UNC80: variants seen among roughly 807,000 people sequenced by gnomAD.
UNC80 encodes the protein unc-80 subunit of NALCN channel complex.
Under a neutral mutation model 384.6 loss-of-function variants are expected in UNC80, and 164 were observed. That is an observed-to-expected ratio of 0.43 (90% CI 0.38 to 0.49). UNC80 has a LOEUF of 0.49. Among genes scored for constraint, UNC80 ranks in the 20% least tolerant of loss-of-function variants. The probability of loss-of-function intolerance (pLI) is 0.00; values close to 1 mark genes in which losing one functional copy is unlikely to be tolerated. For synonymous variants in UNC80, 1,486 were observed against 1,527.8 expected, an observed-to-expected ratio of 0.97 and a Z score of 0.64; for missense variants, 3,330 against 4,143.0, an observed-to-expected ratio of 0.80 and a Z score of 5.39.
chr2:209,904,644 C>T lies in UNC80; in HGVS notation c.4582-121C>T, dbSNP rs1000093295. 34 of 834,258 alleles carry T rather than the reference C, an allele frequency of 4.1e-5. No individual in the cohort carries two copies. The East Asian group carries it at 4.3e-4, about 10-fold the overall frequency. The allele number at this position is 834,258 out of a possible 1,614,324, so 51.7% of individuals were successfully genotyped here. On this transcript the variant is annotated intron_variant, in intron 28 of 64. Transcript: ENST00000673920. ...TCCTTTGGGAATTATTGGACCATTG[C>T]GATTTCAAGACACATCCAGGGAAGC...
chr2:209,963,259 C>T (rs988015527), intron 51 of UNC80, among the ~76,000 whole-genome samples: 2 of 152,220 alleles, frequency 1.3e-5, no homozygotes, highest in Non-Finnish European at 2.9e-5. Context: ...CTCTATCTCT[C>T]TCATTCTCTT....
chr2:209,842,330 C>CTTT lies in UNC80; in HGVS notation c.3358-13_3358-11dup. On this transcript the variant is annotated intron_variant, in intron 20 of 64. Transcript: ENST00000673920. ...CTTTGAATCTTATCTCTCTACTTTC[C>CTTT]TTTTTTTTTCTTTTTTCAGGTCAAA... 5 of 1,488,576 alleles carry CTTT rather than the reference C, an allele frequency of 3.4e-6. No homozygotes were observed. Among genetic ancestry groups the CTTT allele is most frequent in the African/African-American group, 1.4e-5 (1 of 70,748 alleles). 92.2% of individuals were successfully genotyped at this position (1,488,576 alleles called of 1,614,324 possible).
intron 48 of UNC80, among the ~76,000 whole-genome samples, chr2:209,954,867 C>A (rs1386200646): frequency 6.6e-6 from 1 of 152,022 alleles, no homozygotes; most frequent in Non-Finnish European, 1.5e-5. Context: ...AAATTGGCAC[C>A]AGAGTTCAGC....
Position 209,995,648 on chromosome 2 carries a change from C to G in UNC80, c.*53C>G. 1 of 1,515,090 alleles carries G rather than the reference C, an allele frequency of 6.6e-7. No homozygotes were observed. Among genetic ancestry groups the G allele is most frequent in the Non-Finnish European group, 8.9e-7 (1 of 1,125,232 alleles). 93.9% of individuals were successfully genotyped at this position (1,515,090 alleles called of 1,614,324 possible). On this transcript the variant is annotated 3_prime_UTR_variant, in exon 65 of 65. Coordinates refer to ENST00000673920, the MANE Select transcript of UNC80 (RefSeq NM_001371986.1). ...TAGAGAAGACATGAAAGTGATCTCT[C>G]TACTACAAGTTCAATACTTTTGCTT...
At chr2:209,970,601 A>T (rs1457631850) in intron 53 of UNC80, among the ~76,000 whole-genome samples, 1 of 152,230 alleles carries the variant, frequency 6.6e-6, no homozygotes, top group Non-Finnish European at 1.5e-5. Flanking sequence ...CATTATTTAC[A>T]TAGTTAACTA....
chr2:209,947,572 A>G (rs1232244384), intron 47 of UNC80, among the ~76,000 whole-genome samples: 1 of 152,158 alleles, frequency 6.6e-6, no homozygotes, highest in African/African-American at 2.4e-5. Flanking sequence ...CTAATTTTCC[A>G]TTCTGTCAGT....
chr2:209,952,835 G>C (rs1018590372), intron 47 of UNC80, among the ~76,000 whole-genome samples: 3 of 152,022 alleles, frequency 2.0e-5, no homozygotes, highest in Non-Finnish European at 4.4e-5. Flanking sequence ...CCTTTTTCAA[G>C]TTGCCAAAAA....
intron 4 of UNC80, among the ~76,000 whole-genome samples, chr2:209,782,725 AT>A (rs2077219231): frequency 1.3e-5 from 2 of 152,074 alleles, no homozygotes; most frequent in Admixed American, 6.6e-5. Context: ...CATATTTTAT[AT>A]TTTTTAATTT....
chr2:209,793,342 C>A (rs2077945823), intron 6 of UNC80, among the ~76,000 whole-genome samples: 1 of 152,208 alleles, frequency 6.6e-6, no homozygotes, highest in Non-Finnish European at 1.5e-5. Context: ...TTAGGTACTA[C>A]TAACCTGGTG....
At chr2:209,849,649 C>A (rs2082382782) in intron 22 of UNC80, 26 bp downstream of exon 22, 8 of 1,547,404 alleles carry the variant, frequency 5.2e-6, no homozygotes, top group Non-Finnish European at 6.1e-6. Context: ...AATTTTCCCA[C>A]CCTGCCCCCC....
At chr2:209,807,518 C>T (rs1266327621) in intron 7 of UNC80, among the ~76,000 whole-genome samples, 3 of 152,052 alleles carry the variant, frequency 2.0e-5, no homozygotes, top group Non-Finnish European at 4.4e-5. Flanking sequence ...GCGCCCACCA[C>T]CACGCCCAGC....
At chr2:209,918,780 CA>C (rs2089778425) in intron 33 of UNC80, 117 bp downstream of exon 33, 3 of 1,192,368 alleles carry the variant, frequency 2.5e-6, no homozygotes, top group Admixed American at 2.9e-5. Context: ...AAAGTCAGCA[CA>C]AAAGATCTTT....
chr2:209,799,067 T>TA (rs1359677603), intron 7 of UNC80, among the ~76,000 whole-genome samples: 1 of 107,658 alleles, frequency 9.3e-6, no homozygotes. Context: ...TTCATTATTT[T>TA]AAAAAAATAA....
chr2:209,950,473 G>A (rs1182605740), intron 47 of UNC80, among the ~76,000 whole-genome samples: 1 of 150,862 alleles, frequency 6.6e-6, no homozygotes, highest in Non-Finnish European at 1.5e-5. Flanking sequence ...CGAATAACCA[G>A]TATTTGGGGC....
intron 22 of UNC80, among the ~76,000 whole-genome samples, chr2:209,853,347 T>C (rs1284836520): frequency 3.3e-5 from 5 of 152,148 alleles, no homozygotes; most frequent in African/African-American, 1.2e-4. Flanking sequence ...GATTGTAATT[T>C]TCTTCAGAAT....
chr2:209,954,909 G>A (rs570979177), intron 48 of UNC80, among the ~76,000 whole-genome samples: 2 of 152,142 alleles, frequency 1.3e-5, no homozygotes, highest in East Asian at 1.9e-4. Flanking sequence ...TAGTCCTGTC[G>A]CAAGATGCTT....
At chr2:209,926,472 T>G (rs1395587294) in intron 35 of UNC80, among the ~76,000 whole-genome samples, 1 of 152,212 alleles carries the variant, frequency 6.6e-6, no homozygotes, top group Non-Finnish European at 1.5e-5. Context: ...CTGAGAAATG[T>G]TGCATTAAAA....
intron 47 of UNC80, among the ~76,000 whole-genome samples, chr2:209,949,592 C>T (rs2092065105): frequency 1.3e-5 from 2 of 152,140 alleles, no homozygotes; most frequent in Non-Finnish European, 2.9e-5. Flanking sequence ...ATTCTCCTGC[C>T]TCTGCCTCCC....
chr2:209,951,298 TCTCTC>T (rs1559382771), intron 47 of UNC80, among the ~76,000 whole-genome samples: 2 of 150,904 alleles, frequency 1.3e-5, no homozygotes, highest in African/African-American at 2.4e-5. Context: ...CCTTTTTTTT[TCTCTC>T]TCTCTCTCTT....
Sources: gnomAD v4.1 joint callset for allele counts (sites outside exome capture counted in the v4.1 genomes callset) on GRCh38, gnomAD v4.1.1 for gene constraint, MANE v1.5 for transcripts, NCBI Gene and HGNC (gene_info 2026-07-23, HGNC 2026-07-21) for gene names.